The following CAMKMT variants were observed in gnomAD, a reference collection of about 807,000 sequenced individuals.
CAMKMT encodes CaM KMT.
In CAMKMT, 53 loss-of-function variants were observed where a neutral mutation model predicts 48.0. The observed-to-expected ratio is 1.10, with a 90% confidence interval of 0.89 to 1.39. CAMKMT has a LOEUF of 1.39. Ranked by LOEUF, CAMKMT falls within the 40% of genes most tolerant of loss-of-function variation. CAMKMT has a pLI of 0.00. For synonymous variants in CAMKMT, 165 were observed against 152.3 expected (o/e 1.08, Z -0.61); for missense variants, 428 against 402.7 (o/e 1.06, Z -0.54).
chr2:44,624,783 T>C (rs553028524), intron 3 of CAMKMT, among the ~76,000 whole-genome samples: 4,158 of 152,118 alleles, frequency 0.027, 191 homozygotes, highest in African/African-American at 0.095. Context: ...CCGCAATAAA[T>C]ATACCTGTGC....
At chr2:44,770,685 G>T (rs1681067366) in intron 10 of CAMKMT, among the ~76,000 whole-genome samples, 1 of 152,036 alleles carries the variant, frequency 6.6e-6, no homozygotes, top group Non-Finnish European at 1.5e-5. Context: ...CGGTCAGTGG[G>T]TATGGACTGG....
At chr2:44,508,724 G>C (rs1318850510) in intron 3 of CAMKMT, among the ~76,000 whole-genome samples, 2 of 152,036 alleles carry the variant, frequency 1.3e-5, no homozygotes, top group African/African-American at 4.8e-5. Context: ...TAAGTAATCT[G>C]GTTAGGATAT....
intron 7 of CAMKMT, among the ~76,000 whole-genome samples, chr2:44,723,241 A>G (rs1284423535): frequency 6.6e-6 from 1 of 152,146 alleles, no homozygotes; most frequent in Admixed American, 6.5e-5. Context: ...CCACCAAACT[A>G]GAGTTCTCGC....
intron 3 of CAMKMT, among the ~76,000 whole-genome samples, chr2:44,522,730 C>G (rs182499479): frequency 6.6e-6 from 1 of 152,242 alleles, no homozygotes; most frequent in Admixed American, 6.5e-5. Flanking sequence ...GAATGAGAAA[C>G]AAATTTAGTT....
chr2:44,417,774 G>T (rs1683657733), intron 3 of CAMKMT, among the ~76,000 whole-genome samples: 1 of 152,170 alleles, frequency 6.6e-6, no homozygotes, highest in Non-Finnish European at 1.5e-5. Flanking sequence ...TCTCATTGCG[G>T]TTCTATGCAG....
intron 3 of CAMKMT, among the ~76,000 whole-genome samples, chr2:44,396,495 G>T (rs563967444): frequency 1.8e-4 from 27 of 152,200 alleles, no homozygotes; most frequent in Admixed American, 2.0e-4. Flanking sequence ...TGTTCTGTAT[G>T]TACATCAAAT....
At chr2:44,551,803 C>T (rs972637018) in intron 3 of CAMKMT, among the ~76,000 whole-genome samples, 1 of 151,852 alleles carries the variant, frequency 6.6e-6, no homozygotes, top group East Asian at 1.9e-4. Flanking sequence ...ACTTCATCTT[C>T]ATAATAGTCC....
At chr2:44,387,407 T>C (rs1308755013) in intron 2 of CAMKMT, among the ~76,000 whole-genome samples, 1 of 152,220 alleles carries the variant, frequency 6.6e-6, no homozygotes, top group Non-Finnish European at 1.5e-5. Context: ...TGAGTCCTTA[T>C]GTGTTAGATG....
chr2:44,637,508 C>T (rs1312314633), intron 3 of CAMKMT, among the ~76,000 whole-genome samples: 1 of 152,160 alleles, frequency 6.6e-6, no homozygotes, highest in African/African-American at 2.4e-5. Context: ...CTAATCTTTA[C>T]TTCACGTCCC....
At chr2:44,460,108 C>T (rs1667773197) in intron 3 of CAMKMT, among the ~76,000 whole-genome samples, 1 of 152,144 alleles carries the variant, frequency 6.6e-6, no homozygotes, top group Non-Finnish European at 1.5e-5. Flanking sequence ...AAAAACCCTC[C>T]ATGTTCAGGA....
intron 10 of CAMKMT, among the ~76,000 whole-genome samples, chr2:44,769,769 A>G (rs1395324730): frequency 7.9e-5 from 12 of 152,170 alleles, no homozygotes; most frequent in Non-Finnish European, 1.8e-4. Flanking sequence ...TGTTAAAAAC[A>G]CGGCCATATT....
At chr2:44,412,905 G>A (rs961165669) in intron 3 of CAMKMT, among the ~76,000 whole-genome samples, 2 of 151,178 alleles carry the variant, frequency 1.3e-5, no homozygotes, top group Admixed American at 6.6e-5. Context: ...GTGAAACCCC[G>A]TCTCCACTAA....
intron 3 of CAMKMT, among the ~76,000 whole-genome samples, chr2:44,528,927 A>G (rs895040107): frequency 6.6e-6 from 1 of 150,510 alleles, no homozygotes; most frequent in Non-Finnish European, 1.5e-5. Flanking sequence ...TTTAATTTCT[A>G]CTAAGTTTCT....
intron 10 of CAMKMT, among the ~76,000 whole-genome samples, chr2:44,768,851 G>T (rs1023798909): frequency 6.6e-6 from 1 of 152,280 alleles, no homozygotes; most frequent in African/African-American, 2.4e-5. Context: ...GAGGAGCGGC[G>T]TTTTCCTTCA....
intron 3 of CAMKMT, among the ~76,000 whole-genome samples, chr2:44,655,612 A>T (rs549076785): frequency 6.6e-6 from 1 of 152,324 alleles, no homozygotes; most frequent in African/African-American, 2.4e-5. Context: ...TCTATACGCA[A>T]ATGAGAATAT....
chr2:44,395,247 A>G (rs1307109703), intron 3 of CAMKMT, among the ~76,000 whole-genome samples: 1 of 152,152 alleles, frequency 6.6e-6, no homozygotes, highest in African/African-American at 2.4e-5. Context: ...AAAGATGTCT[A>G]TATATGTAAT....
intron 3 of CAMKMT, among the ~76,000 whole-genome samples, chr2:44,664,603 A>G (rs955747868): frequency 6.6e-6 from 1 of 152,244 alleles, no homozygotes; most frequent in Non-Finnish European, 1.5e-5. Context: ...ATACAACCCT[A>G]AGGTGTTTAT....
intron 3 of CAMKMT, among the ~76,000 whole-genome samples, chr2:44,535,231 A>G (rs1666705078): frequency 6.6e-6 from 1 of 152,160 alleles, no homozygotes; most frequent in South Asian, 2.1e-4. Flanking sequence ...AATAACAAGT[A>G]ATGAGATTGA....
chr2:44,635,521 C>A (rs1309724556), intron 3 of CAMKMT, among the ~76,000 whole-genome samples: 1 of 152,172 alleles, frequency 6.6e-6, no homozygotes. Context: ...TTCCTGCATT[C>A]CATGCTCCAT....
Sources: gnomAD v4.1 joint callset for allele counts (sites outside exome capture counted in the v4.1 genomes callset) on GRCh38, gnomAD v4.1.1 for gene constraint, MANE v1.5 for transcripts, NCBI Gene and HGNC (gene_info 2026-07-23, HGNC 2026-07-21) for gene names.